RAB3GAP2: variants seen among roughly 807,000 people sequenced by gnomAD.
RAB3GAP2 encodes rab3 GTPase-activating protein non-catalytic subunit.
Under a neutral mutation model 185.3 loss-of-function variants are expected in RAB3GAP2, and 87 were observed. That is an observed-to-expected ratio of 0.47 (90% confidence interval 0.39 to 0.56). The LOEUF is 0.56. RAB3GAP2 is among the 20% of genes least tolerant of loss of function. RAB3GAP2 has a pLI of 0.00. For missense variants in RAB3GAP2, 1,492 were observed against 1,638.2 expected (o/e 0.91, Z 1.54); for synonymous variants, 554 against 576.1 (o/e 0.96, Z 0.55).
At chr1:220,200,612 CA>C (rs1358389931) in intron 9 of RAB3GAP2, 1 of 528,432 alleles carries the variant, frequency 1.9e-6, no homozygotes, top group South Asian at 1.4e-5. Flanking sequence ...TAGCCAGTTT[CA>C]ATGTTCCAAA....
intron 28 of RAB3GAP2, among the ~76,000 whole-genome samples, chr1:220,159,827 G>A (rs1326958539): frequency 2.6e-5 from 4 of 151,860 alleles, no homozygotes; most frequent in Non-Finnish European, 5.9e-5. Context: ...GACCAGCCTC[G>A]CCAACATGGT....
At chr1:220,202,411 TG>T (rs777262045) in intron 8 of RAB3GAP2, 37 bp from the exon 9 acceptor site, 32 of 1,591,436 alleles carry the variant, frequency 2.0e-5, no homozygotes, top group Non-Finnish European at 2.7e-5. Flanking sequence ...AAACTTATTA[TG>T]GATAAAATGA....
At chr1:220,221,465 C>G (rs1659305938) in intron 2 of RAB3GAP2, among the ~76,000 whole-genome samples, 1 of 152,194 alleles carries the variant, frequency 6.6e-6, no homozygotes, top group Non-Finnish European at 1.5e-5. Context: ...GTTCCTCTTT[C>G]TGACACTACT....
intron 26 of RAB3GAP2, among the ~76,000 whole-genome samples, chr1:220,165,369 T>C (rs1388734784): frequency 1.3e-5 from 2 of 151,668 alleles, no homozygotes; most frequent in African/African-American, 2.4e-5. Flanking sequence ...GAAGGAAATA[T>C]GAAATATTAG....
intron 2 of RAB3GAP2, among the ~76,000 whole-genome samples, chr1:220,219,787 T>C (rs1296024033): frequency 1.3e-5 from 2 of 152,212 alleles, no homozygotes; most frequent in Non-Finnish European, 2.9e-5. Context: ...TGGATCACAA[T>C]GAGCTAGTAT....
chr1:220,210,439 T>C lies in RAB3GAP2; in HGVS notation c.561A>G (p.Gln187=). Residue 187 remains glutamine, a synonymous_variant, in exon 7 of 35, where the codon CAA becomes CAG. Coordinates refer to ENST00000358951, the MANE Select transcript of RAB3GAP2 (RefSeq NM_012414.4). ...GTATTTCATAGGTTCTGCATTTAAG[T>C]TGAAGTACTGGGTCCTCATTCAAAA... is the stretch of plus-strand genomic sequence containing the variant. ...AQLLNEDPVL[Q]LKCRTYEIPR... is the part of the protein sequence containing the mutation. The C allele has an allele frequency of 6.2e-7, 1 of 1,614,148 alleles. No individual in the cohort carries two copies. Among genetic ancestry groups the C allele is most frequent in the Non-Finnish European group, 8.5e-7 (1 of 1,179,984 alleles).
chr1:220,195,739 GCACACACATATA>G (rs1658712046), intron 10 of RAB3GAP2, among the ~76,000 whole-genome samples: 1 of 151,884 alleles, frequency 6.6e-6, no homozygotes, highest in African/African-American at 2.4e-5. Context: ...ATATATATAT[GCACACACATATA>G]CACACACACA....
At chr1:220,245,631 A>G (rs371359518) in intron 1 of RAB3GAP2, among the ~76,000 whole-genome samples, 12 of 151,902 alleles carry the variant, frequency 7.9e-5, no homozygotes, top group African/African-American at 2.9e-4. Flanking sequence ...AGGTAAACAA[A>G]GCAGCCGGGA....
At chr1:220,166,471 T>C (rs1186537590) in intron 26 of RAB3GAP2, among the ~76,000 whole-genome samples, 2 of 152,234 alleles carry the variant, frequency 1.3e-5, no homozygotes, top group African/African-American at 4.8e-5. Flanking sequence ...TTATATCTTA[T>C]TTGATCATGG....
Position 220,184,024 on chromosome 1 carries a change from G to T in RAB3GAP2, c.1998+12C>A. ...GATTATTTTATATAATATAAAATGTGGGATTACTCACATTATCAGAGAATG... is the reference window on the plus strand; with the variant it reads ...GATTATTTTATATAATATAAAATGTTGGATTACTCACATTATCAGAGAATG... On this transcript the variant is annotated intron_variant, in intron 19 of 34. Transcript: ENST00000358951. The T allele has an allele frequency of 1.3e-6, 2 of 1,510,166 alleles. No homozygotes were observed. The highest frequency in any genetic ancestry group is 9.1e-7 in the Non-Finnish European group (1 of 1,099,978). The allele number at this position is 1,510,166 out of a possible 1,614,324, so 93.5% of individuals were successfully genotyped here.
intron 21 of RAB3GAP2, among the ~76,000 whole-genome samples, chr1:220,176,765 C>T (rs995934902): frequency 1.3e-5 from 2 of 152,150 alleles, no homozygotes; most frequent in Non-Finnish European, 2.9e-5. Context: ...CCCCTCAGGG[C>T]CCCCTCACTG....
intron 2 of RAB3GAP2, among the ~76,000 whole-genome samples, chr1:220,224,371 A>G (rs1011298671): frequency 3.3e-5 from 5 of 152,186 alleles, no homozygotes; most frequent in Non-Finnish European, 5.9e-5. Context: ...TATAGGAAAA[A>G]AGAAAAGAAA....
intron 24 of RAB3GAP2, among the ~76,000 whole-genome samples, chr1:220,169,050 T>C (rs1406976081): frequency 6.6e-6 from 1 of 152,188 alleles, no homozygotes; most frequent in African/African-American, 2.4e-5. Context: ...CATTGGAAAA[T>C]TCTCATTCCA....
intron 28 of RAB3GAP2, among the ~76,000 whole-genome samples, chr1:220,161,602 G>A (rs1036336558): frequency 6.6e-6 from 1 of 152,158 alleles, no homozygotes; most frequent in Non-Finnish European, 1.5e-5. Flanking sequence ...CATAACTGAT[G>A]AAATATGAAT....
chr1:220,266,269 AGCTTTACCAG>A lies in RAB3GAP2; in HGVS notation c.115+5944_115+5953del, dbSNP rs1660224834. On this transcript the variant is annotated intron_variant, in intron 1 of 34. Transcript: ENST00000358951. ...AAAAGAATCACGTACTCAGTCCAAC[AGCTTTACCAG>A]GCTTGGCCAACCCAATAAGTTACAC... is the stretch of plus-strand genomic sequence containing the variant. 7 of 243,210 alleles carry A rather than the reference AGCTTTACCAG, an allele frequency of 2.9e-5. No homozygotes were observed. In the South Asian group the frequency reaches 5.4e-4, roughly 19 times the overall value. 15.1% of individuals were successfully genotyped at this position (243,210 alleles called of 1,614,324 possible). A position where few individuals can be genotyped will look rare whatever the true frequency, so the allele number is the denominator to read the frequency against.
chr1:220,194,059 G>GA (rs568700229), intron 12 of RAB3GAP2, among the ~76,000 whole-genome samples: 89 of 151,388 alleles, frequency 5.9e-4, no homozygotes, highest in Non-Finnish European at 5.3e-4. Context: ...TTAAAAAGAT[G>GA]AAAAAAAACT....
intron 1 of RAB3GAP2, among the ~76,000 whole-genome samples, chr1:220,249,608 C>T (rs1244682877): frequency 2.0e-5 from 3 of 152,146 alleles, no homozygotes; most frequent in Non-Finnish European, 4.4e-5. Flanking sequence ...ATGTTAATCA[C>T]CAAGACAATG....
rs755773689 is a variant in RAB3GAP2, at chr1:220,157,881, T to C, written c.3262-5A>G. 3 of 1,612,018 alleles carry C rather than the reference T, an allele frequency of 1.9e-6. No individual in the cohort carries two copies. Among genetic ancestry groups the C allele is most frequent in the South Asian group, 2.2e-5 (2 of 90,928 alleles). On this transcript the variant is annotated splice_region_variant and splice_polypyrimidine_tract_variant and intron_variant, in intron 29 of 34. Transcript: ENST00000358951. ...TGTGTCACTCATTCCCACATCCTGT[T>C]TTTTAAAAAGGAACGTAATTAGGCC...
intron 1 of RAB3GAP2, among the ~76,000 whole-genome samples, chr1:220,245,322 G>A (rs1357975636): frequency 2.6e-5 from 4 of 152,226 alleles, no homozygotes; most frequent in South Asian, 2.1e-4. Context: ...CACCATGCGC[G>A]AGCCGAAGCA....
Sources: gnomAD v4.1 joint callset for allele counts (sites outside exome capture counted in the v4.1 genomes callset) on GRCh38, gnomAD v4.1.1 for gene constraint, MANE v1.5 for transcripts, NCBI Gene and HGNC (gene_info 2026-07-23, HGNC 2026-07-21) for gene names.